The following PCNT variants were observed in gnomAD, a reference collection of about 807,000 sequenced individuals.
PCNT encodes the protein pericentrin.
Under a neutral mutation model 380.4 loss-of-function variants are expected in PCNT, and 319 were observed. The observed-to-expected ratio is 0.84, with a 90% CI of 0.77 to 0.92. The LOEUF (loss-of-function observed/expected upper bound fraction) is 0.92, where lower values mean the gene tolerates loss of function less well. Among genes scored for constraint, PCNT ranks in the 40% least tolerant of loss-of-function variants. The probability of loss-of-function intolerance (pLI) is 0.00; values close to 1 mark genes in which losing one functional copy is unlikely to be tolerated. For synonymous variants in PCNT, 1,845 were observed against 1,735.2 expected (o/e 1.06, Z -1.57); for missense variants, 4,400 against 4,255.3 (o/e 1.03, Z -0.95).
rs2086427427 is a variant in PCNT at position 46,401,545 on chromosome 21, T to A, written c.4792-6T>A. On this transcript the variant is annotated splice_polypyrimidine_tract_variant and splice_region_variant and intron_variant, in intron 25 of 46. Transcript: ENST00000359568. ...GCCTAAAATAGAGTTCTTTTTTTTT[T>A]AATAGGATAAAGAGGTGTTAAAGAA... 4 of 1,610,956 alleles carry A rather than the reference T, an allele frequency of 2.5e-6. No individual in the cohort carries two copies. The highest frequency in any genetic ancestry group is 1.3e-5 in the African/African-American group (1 of 74,972).
chr21:46,332,316 G>C (rs979468345), intron 2 of PCNT, among the ~76,000 whole-genome samples: 3 of 152,138 alleles, frequency 2.0e-5, no homozygotes, highest in African/African-American at 7.2e-5. Flanking sequence ...CAAATACCAG[G>C]AAAAATAGTT....
rs771630376 is a variant in PCNT, at chr21:46,389,375, A to T, written c.3784A>T (p.Ser1262Cys). The T allele has an allele frequency of 1.2e-6, 2 of 1,614,168 alleles. No homozygotes were observed. Among genetic ancestry groups the T allele is most frequent in the South Asian group, 2.2e-5 (2 of 91,090 alleles). The change falls in exon 19 of 47, where the codon AGC (serine) becomes TGC (cysteine). Residue 1262 changes from serine to cysteine, a missense_variant. Ser to Cys is a moderately radical substitution (Grantham distance 112). Coordinates refer to ENST00000359568, the MANE Select transcript of PCNT (RefSeq NM_006031.6). ...GCAGCCCATCCGGAGGGTCTTCCAG[A>T]GCCTCAGCCTGGCCGTGGACGGCCT... ...CEQPIRRVFQ[S>C]LSLAVDGLME...
At chr21:46,325,647 G>A (rs2083366694) in intron 1 of PCNT, among the ~76,000 whole-genome samples, 2 of 152,182 alleles carry the variant, frequency 1.3e-5, no homozygotes, top group Non-Finnish European at 2.9e-5. Flanking sequence ...TGTTTTTGTG[G>A]CCACAGTTGT....
chr21:46,434,626 C>T lies in PCNT; in HGVS notation c.8752-1278C>T, dbSNP rs2087891463. Among the ~76,000 whole-genome samples the T allele has an allele frequency of 3.3e-5, 5 of 152,356 alleles. 1 individual carries two copies. In the South Asian group the frequency reaches 1.0e-3, roughly 32 times the overall value. On this transcript the variant is annotated intron_variant, in intron 38 of 46. Transcript: ENST00000359568. ...GTGGGAGTCGGGCCCTGGGCAGGGGCTCAGGCGCTTGCTGACACGCTTCTC... is the reference window on the plus strand; with the variant it reads ...GTGGGAGTCGGGCCCTGGGCAGGGGTTCAGGCGCTTGCTGACACGCTTCTC...
chr21:46,430,902 C>A (rs927994962), intron 37 of PCNT: 8 of 985,302 alleles, frequency 8.1e-6, no homozygotes, highest in East Asian at 1.1e-4. Flanking sequence ...AGCCCCCCCC[C>A]GTCCCTGAGC....
intron 8 of PCNT, 87 bp downstream of exon 8, chr21:46,349,907 T>C (rs910778260): frequency 3.1e-6 from 4 of 1,289,938 alleles, no homozygotes; most frequent in Admixed American, 1.7e-5. Flanking sequence ...TATTGTGTTA[T>C]TTGCTAAAAC....
intron 27 of PCNT, among the ~76,000 whole-genome samples, chr21:46,405,596 G>A (rs1201183544): frequency 6.6e-6 from 1 of 152,150 alleles, no homozygotes; most frequent in Non-Finnish European, 1.5e-5. Flanking sequence ...TTGGGAGGCT[G>A]AGGCAGAAGA....
intron 15 of PCNT, among the ~76,000 whole-genome samples, chr21:46,371,408 G>C (rs1232434201): frequency 6.6e-6 from 1 of 152,016 alleles, no homozygotes. Context: ...GGCTGGTCTT[G>C]AACTCATGGG....
chr21:46,444,031 G>A, intron 45 of PCNT, 83 bp downstream of exon 45: 1 of 1,461,240 alleles, frequency 6.8e-7, no homozygotes, highest in Non-Finnish European at 9.3e-7. Context: ...TGCATTTTTA[G>A]TTCTGGCTTT....
At chr21:46,394,793 C>G (rs751427134) in intron 21 of PCNT, among the ~76,000 whole-genome samples, 1 of 152,232 alleles carries the variant, frequency 6.6e-6, no homozygotes, top group African/African-American at 2.4e-5. Context: ...AAACTGATGT[C>G]TTGTGATAGT....
rs746130894 is a variant in PCNT at position 46,436,144 on chromosome 21, G to T, written c.8992G>T (p.Asp2998Tyr). 11 of 1,607,106 alleles carry T rather than the reference G, an allele frequency of 6.8e-6. No homozygotes were observed. Among genetic ancestry groups the T allele is most frequent in the Non-Finnish European group, 4.2e-6 (5 of 1,179,816 alleles). The change falls in exon 39 of 47, where the codon GAC becomes TAC. Residue 2998 changes from aspartate to tyrosine, a missense_variant. Transcript: ENST00000359568. ...LLTSFTSQAVDRTVNDWTSSN... is the reference protein window; with the variant it reads ...LLTSFTSQAVYRTVNDWTSSN... ...CACCAGCTTCACCAGCCAGGCCGTG[G>T]ACAGGTGTGCACCCACGCCACCTGG...
intron 3 of PCNT, among the ~76,000 whole-genome samples, chr21:46,343,728 A>G (rs2083978931): frequency 6.6e-6 from 1 of 152,212 alleles, no homozygotes; most frequent in Non-Finnish European, 1.5e-5. Flanking sequence ...GATAGAATTC[A>G]GCTGTGAATC....
At position 46,432,127 on chromosome 21, in the gene PCNT, G is replaced by A. The variant is rs373629091; in HGVS notation, c.8663G>A (p.Arg2888His). 2 of 1,614,078 alleles carry A rather than the reference G, an allele frequency of 1.2e-6. No individual in the cohort carries two copies. Among genetic ancestry groups the A allele is most frequent in the Admixed American group, 1.7e-5 (1 of 60,028 alleles). The change falls in exon 38 of 47, where the codon CGC (arginine) becomes CAC (histidine). Residue 2888 changes from arginine (R) to histidine (H), a missense_variant. Transcript: ENST00000359568. The part of the protein sequence containing the change: ...SHPRLKEQEG[R>H]KAARRSAEAR... ...CCACGGTTGAAAGAGCAAGAAGGAC[G>A]CAAGGCTGCGAGGAGGAGCGCGGAG...
chr21:46,442,193 G>A (rs901350753), intron 43 of PCNT, among the ~76,000 whole-genome samples: 18 of 152,148 alleles, frequency 1.2e-4, no homozygotes, highest in African/African-American at 3.4e-4. Flanking sequence ...TTGAACTGGA[G>A]TCGTCCTGAG....
At chr21:46,372,829 G>A (rs538374008) in intron 15 of PCNT, among the ~76,000 whole-genome samples, 1 of 152,282 alleles carries the variant, frequency 6.6e-6, no homozygotes, top group Non-Finnish European at 1.5e-5. Context: ...ACAGCCCTGA[G>A]ACCTGCACCC....
intron 25 of PCNT, 126 bp from the exon 26 acceptor site, chr21:46,401,425 G>C: frequency 1.3e-6 from 1 of 781,656 alleles, no homozygotes; most frequent in Non-Finnish European, 2.2e-6. Context: ...ACTGAGTGCA[G>C]GGGCGTGCAG....
chr21:46,417,382 C>CG (rs1290615422), intron 30 of PCNT, among the ~76,000 whole-genome samples: 1 of 151,712 alleles, frequency 6.6e-6, no homozygotes. Context: ...TTAGTAGAGA[C>CG]GGGGTTTTAC....
In PCNT at chr21:46,418,264, C is replaced by G. The variant is rs369196091; in HGVS notation, c.6982C>G (p.Pro2328Ala). ...SFDSQETLSS[P>A]PPGLEGKADR... ...TGATTCTCAAGAAACATTAAGTTCACCTCCTCCTGGATTAGAAGGAAAAGC... is the reference window on the plus strand; with the variant it reads ...TGATTCTCAAGAAACATTAAGTTCAGCTCCTCCTGGATTAGAAGGAAAAGC... The change falls in exon 31 of 47, where the codon CCT (proline) becomes GCT (alanine). Residue 2328 changes from proline (P) to alanine (A), a missense_variant. Physicochemically the swap from Pro to Ala is conservative, Grantham distance 27. Transcript: ENST00000359568. 14 of 1,609,206 alleles carry G rather than the reference C, an allele frequency of 8.7e-6. No individual in the cohort carries two copies. Among genetic ancestry groups the G allele is most frequent in the Non-Finnish European group, 1.2e-5 (14 of 1,175,510 alleles).
chr21:46,356,024 G>A (rs1028773094), intron 12 of PCNT, among the ~76,000 whole-genome samples: 1 of 152,228 alleles, frequency 6.6e-6, no homozygotes, highest in Admixed American at 6.5e-5. Flanking sequence ...CGCCTAGTCA[G>A]ACTAAGGTTG....
Sources: gnomAD v4.1 joint callset for allele counts (sites outside exome capture counted in the v4.1 genomes callset) on GRCh38, gnomAD v4.1.1 for gene constraint, MANE v1.5 for transcripts, NCBI Gene and HGNC (gene_info 2026-07-23, HGNC 2026-07-21) for gene names.